Variants in MTCL1 observed in about 807,000 individuals in gnomAD.
MTCL1 encodes microtubule crosslinking factor 1, also known as microtubule cross-linking factor 1.
In MTCL1, 79 loss-of-function variants were observed where a neutral mutation model predicts 141.4. The ratio of observed to expected loss-of-function variants is 0.56; its 90% CI spans 0.47 to 0.67. The LOEUF (loss-of-function observed/expected upper bound fraction) is 0.67, where lower values mean the gene tolerates loss of function less well. MTCL1 is among the 30% of genes least tolerant of loss of function. The pLI is 0.00. For synonymous variants in MTCL1, 914 were observed against 875.8 expected, an observed-to-expected ratio of 1.04 and a Z score of -0.77; for missense variants, 2,177 against 2,113.9, an observed-to-expected ratio of 1.03 and a Z score of -0.59.
exon 3 of MTCL1, chr18:8,718,508 C>T: frequency 4.3e-6 from 7 of 1,614,172 alleles, no homozygotes; most frequent in Non-Finnish European, 5.9e-6. Context: ...GCAGGAACTT[C>T]GGCGAGAACT....
chr18:8,831,604 A>G lies in MTCL1; in HGVS notation c.*19-3A>G. ...ACCCTGTCTCCCTTTCTCGGCTCTG[A>G]AGGAACTACCTTGTTCTGCACTAGC... On this transcript the variant is annotated splice_polypyrimidine_tract_variant and splice_region_variant and intron_variant, in intron 16 of 16. Coordinates refer to ENST00000359865, the Ensembl canonical transcript of MTCL1. 1 of 1,550,134 alleles carries G rather than the reference A, an allele frequency of 6.5e-7. No homozygotes were observed. Among genetic ancestry groups the G allele is most frequent in the Non-Finnish European group, 8.7e-7 (1 of 1,146,706 alleles).
chr18:8,829,946 T>C (rs1321280607), intron 16 of MTCL1: 4 of 985,110 alleles, frequency 4.1e-6, no homozygotes, highest in African/African-American at 3.5e-5. Context: ...TACTGAATGG[T>C]CTCATAAAAA....
chr18:8,809,659 G>C, intron 11 of MTCL1: 1 of 1,497,456 alleles, frequency 6.7e-7, no homozygotes, highest in African/African-American at 1.4e-5. Context: ...GGCCGGGCCT[G>C]GTGGCCGGTT....
At chr18:8,720,591 G>C (rs946971539) in intron 4 of MTCL1, 95 bp downstream of exon 3, 4 of 1,307,406 alleles carry the variant, frequency 3.1e-6, no homozygotes, top group Non-Finnish European at 4.2e-6. Context: ...CGAAAGCTGG[G>C]GTTGGCAAAT....
chr18:8,825,201 C>T lies in MTCL1; in HGVS notation c.3691C>T (p.Pro1231Ser). The T allele has an allele frequency of 1.9e-6, 3 of 1,592,758 alleles. 1 individual carries two copies. ...CCCGGGAGACACCAAGGGAGGCCCT[C>T]CAGAACCCATGCTCAGCAGGTGGCC... The change falls in exon 15 of 17, where the codon CCA becomes TCA. Residue 1231 changes from proline (P) to serine (S), a missense_variant. Physicochemically the swap from Pro to Ser is moderately conservative, Grantham distance 74 (BLOSUM62 -1). Transcript: ENST00000359865.
At chr18:8,826,355 G>A in intron 15 of MTCL1, 123 bp downstream of exon 14, 2 of 961,838 alleles carry the variant, frequency 2.1e-6, no homozygotes, top group Non-Finnish European at 3.0e-6. Context: ...ATTGGTTATT[G>A]GGAGCTGGGG....
intron 4 of MTCL1, among the ~76,000 whole-genome samples, chr18:8,739,356 C>T (rs752081654): frequency 6.6e-6 from 1 of 152,190 alleles, no homozygotes; most frequent in African/African-American, 2.4e-5. Context: ...CCTCCAAGCA[C>T]GTTTGGGGTG....
At chr18:8,804,321 T>G (rs2076221880) in intron 10 of MTCL1, among the ~76,000 whole-genome samples, 1 of 151,414 alleles carries the variant, frequency 6.6e-6, no homozygotes, top group Non-Finnish European at 1.5e-5. Flanking sequence ...AGTGGTGTGA[T>G]CTTAGCTCAC....
chr18:8,786,019 G>A, exon 7 of MTCL1: 2 of 1,584,364 alleles, frequency 1.3e-6, no homozygotes, highest in Non-Finnish European at 1.7e-6. Context: ...GAGCCGCGCG[G>A]GAGCTGCACC....
Position 8,754,110 on chromosome 18 carries a change from G to A in MTCL1, c.358-23723G>A, listed in dbSNP as rs953437048. Reference sequence around the variant, plus strand: ...TTTTGAGACACGGTCTTGTTCTTTCGCCCAGGCTGGAGTGCAGTGGCACTG... The same window carrying A: ...TTTTGAGACACGGTCTTGTTCTTTCACCCAGGCTGGAGTGCAGTGGCACTG... On this transcript the variant is annotated intron_variant, in intron 4 of 16. Coordinates refer to ENST00000359865, the Ensembl canonical transcript of MTCL1. Among the ~76,000 whole-genome samples, 6 of 151,708 alleles carry A rather than the reference G, an allele frequency of 4.0e-5. No individual in the cohort carries two copies. In the East Asian group the frequency reaches 7.7e-4, roughly 20 times the overall value.
At position 8,719,069 on chromosome 18, in the gene MTCL1, A is replaced by G. The variant is rs192374935; in HGVS notation, c.198+421A>G. Reference sequence around the variant, plus strand: ...AGGTTTCTAGGATGTAGAAATCCTGACATTCCCATTACCCAAGTGAGAATT... The same window carrying G: ...AGGTTTCTAGGATGTAGAAATCCTGGCATTCCCATTACCCAAGTGAGAATT... On this transcript the variant is annotated intron_variant, in intron 3 of 16. Transcript: ENST00000359865. Among the ~76,000 whole-genome samples, 101 of 152,340 alleles carry G rather than the reference A, an allele frequency of 6.6e-4. 1 individual carries two copies. Among genetic ancestry groups the G allele is most frequent in the African/African-American group, 2.3e-3 (96 of 41,578 alleles).
chr18:8,720,608 C>G, intron 4 of MTCL1, 112 bp downstream of exon 3: 2 of 1,048,786 alleles, frequency 1.9e-6, no homozygotes, highest in Non-Finnish European at 1.4e-6. Context: ...AAATCGTGGC[C>G]TGTTTGTTTG....
chr18:8,732,327 G>C (rs1196334922), intron 4 of MTCL1, among the ~76,000 whole-genome samples: 1 of 152,034 alleles, frequency 6.6e-6, no homozygotes, highest in Non-Finnish European at 1.5e-5. Context: ...GCCCAGGCTA[G>C]TCTCAAACTC....
chr18:8,706,517 C>G (rs1285495873), exon 1 of MTCL1: 1 of 1,336,030 alleles, frequency 7.5e-7, no homozygotes. Context: ...CGGAGCATCC[C>G]GAGCGGGGTT....
chr18:8,705,586 C>G (rs1401788265), upstream of MTCL1: 4 of 889,058 alleles, frequency 4.5e-6, no homozygotes, highest in Non-Finnish European at 5.3e-6. This position sits in a 1 kb window ranked among gnomAD's most constrained non-coding sequence, Gnocchi z 5.2. Context: ...GGAGGCTGCA[C>G]GCCGCCGCCG....
intron 11 of MTCL1, among the ~76,000 whole-genome samples, chr18:8,812,315 TG>T (rs1239860878): frequency 6.6e-6 from 1 of 152,228 alleles, no homozygotes; most frequent in East Asian, 1.9e-4. Flanking sequence ...TTTCATTTGC[TG>T]AAAAGTGTTT....
At chr18:8,782,767 G>T (rs1321369509) in intron 5 of MTCL1, 2 of 152,264 alleles carry the variant, frequency 1.3e-5, no homozygotes, top group Non-Finnish European at 2.9e-5. Flanking sequence ...GCTGCAAGGA[G>T]CTCAGGTGTC....
At position 8,796,398 on chromosome 18, in the gene MTCL1, G is replaced by C. The variant is rs200476048; in HGVS notation, c.2177G>C (p.Arg726Thr). 26 of 1,614,192 alleles carry C rather than the reference G, an allele frequency of 1.6e-5. No homozygotes were observed. In the South Asian group the frequency reaches 2.6e-4, roughly 16 times the overall value. ...ATTTTCCTCTTCTACGTCAAACTCAGGTGGCTGCTGAAACACTGGCGGCAA... is the reference window on the plus strand; with the variant it reads ...ATTTTCCTCTTCTACGTCAAACTCACGTGGCTGCTGAAACACTGGCGGCAA... Residue 726 changes from arginine to threonine, a missense_variant, in exon 9 of 17, where the codon AGG becomes ACG. Transcript: ENST00000359865.
chr18:8,727,780 A>G (rs987917753), intron 4 of MTCL1, among the ~76,000 whole-genome samples: 2 of 151,962 alleles, frequency 1.3e-5, no homozygotes, highest in African/African-American at 4.8e-5. Flanking sequence ...ATATATAAGC[A>G]TTGTGGCTAC....
Sources: allele counts gnomAD v4.1 joint callset (sites outside exome capture counted in the v4.1 genomes callset), GRCh38; gene constraint gnomAD v4.1.1; non-coding constraint Gnocchi (gnomAD v3.1); transcripts MANE v1.5; gene names NCBI Gene and HGNC (gene_info 2026-07-23, HGNC 2026-07-21).